The following ABCC5 variants were observed in gnomAD, a reference collection of about 807,000 sequenced individuals.
ABCC5 encodes ATP binding cassette subfamily C member 5.
ABCC5 carries 61 observed loss-of-function variants against 160.9 expected under a neutral mutation model. The ratio of observed to expected loss-of-function variants is 0.38; its 90% CI spans 0.31 to 0.47. ABCC5 has a LOEUF of 0.47. Among genes scored for constraint, ABCC5 ranks in the 20% least tolerant of loss-of-function variants. The probability of loss-of-function intolerance (pLI) is 0.99; values close to 1 mark genes in which losing one functional copy is unlikely to be tolerated. For missense variants in ABCC5, 1,308 were observed against 1,813.3 expected (o/e 0.72, Z 5.06); for synonymous variants, 666 against 700.6 (o/e 0.95, Z 0.78).
intron 2 of ABCC5, chr3:184,001,338 T>A (rs373223737): frequency 2.5e-5 from 11 of 438,136 alleles, no homozygotes; most frequent in Admixed American, 7.5e-5. Flanking sequence ...TAACATATAA[T>A]CAATGTGAAA....
rs189121671 is a variant in ABCC5 at position 183,969,332 on chromosome 3, T to C, written c.1762-1566A>G. Among the ~76,000 whole-genome samples the C allele has an allele frequency of 2.7e-3, 409 of 152,298 alleles. 3 individuals carry two copies. The highest frequency in any genetic ancestry group is 1.4e-3 in the Non-Finnish European group (96 of 68,026). On this transcript the variant is annotated intron_variant, in intron 11 of 29. Coordinates refer to ENST00000334444, the MANE Select transcript of ABCC5 (RefSeq NM_005688.4). ...TGGAATCATTTTCTAATAGAGCTGA[T>C]AGCAATGTATTAGAGCTGCCTCAAT...
intron 2 of ABCC5, among the ~76,000 whole-genome samples, chr3:184,000,130 G>A (rs1025088855): frequency 5.3e-5 from 8 of 151,916 alleles, no homozygotes; most frequent in African/African-American, 1.5e-4. Flanking sequence ...AGGCTCAAGC[G>A]GGCAGATCGC....
chr3:183,953,752 G>A (rs1426080102), intron 17 of ABCC5, among the ~76,000 whole-genome samples: 1 of 152,138 alleles, frequency 6.6e-6, no homozygotes, highest in African/African-American at 2.4e-5. Context: ...AAAGGAGAGA[G>A]CAGGCAGAGA....
Position 183,959,751 on chromosome 3 carries a change from CT to C in ABCC5, c.2463del (p.Ala822GlnfsTer2). ...CCATTACCTTCCTCTGGCTTTACTGCTTTTTCCTTCTTTACTGATCCTGTTT... is the reference window on the plus strand; with the variant it reads ...CCATTACCTTCCTCTGGCTTTACTGCTTTTCCTTCTTTACTGATCCTGTTT... ...GPKTGSVKKE[K>X]AVKPEEGQLV... On this transcript the variant is annotated frameshift_variant, in exon 17 of 30. Transcript: ENST00000334444. LOFTEE classifies it high-confidence loss of function. 1 of 1,611,028 alleles carries C rather than the reference CT, an allele frequency of 6.2e-7. No individual in the cohort carries two copies. The highest frequency in any genetic ancestry group is 8.5e-7 in the Non-Finnish European group (1 of 1,178,926).
chr3:183,937,913 C>G lies in ABCC5; in HGVS notation c.3842G>C (p.Ser1281Thr). The G allele has an allele frequency of 1.9e-6, 3 of 1,614,174 alleles. No individual in the cohort carries two copies. The highest frequency in any genetic ancestry group is 8.5e-7 in the Non-Finnish European group (1 of 1,180,016). ...SIIPQEPVLF[S>T]GTVRSNLDPF... ...CTCAGGTCCTCACCTGACAGTGCCA[C>G]TGAACAGCACCGGCTCTTGAGGAAT... Residue 1281 changes from serine to threonine, a missense_variant, in exon 26 of 30, where the codon AGT becomes ACT. Ser to Thr is a moderately conservative substitution (Grantham distance 58). This residue lies in a region of ABCC5 where 163 missense variants were observed against 269.7 expected (regional missense o/e 0.60). Coordinates refer to ENST00000334444, the MANE Select transcript of ABCC5 (RefSeq NM_005688.4).
Position 183,987,660 on chromosome 3 carries a change from G to C in ABCC5, c.591+110C>G, listed in dbSNP as rs980473777. ...TCAACAGACCTGAAGGCATCTCTAA[G>C]ACTGCTACCTAGCCCAAAGCTGAGC... is the stretch of plus-strand genomic sequence containing the variant. On this transcript the variant is annotated intron_variant, in intron 5 of 29. Coordinates refer to ENST00000334444, the MANE Select transcript of ABCC5 (RefSeq NM_005688.4). This position sits in a 1 kb window ranked among gnomAD's most constrained non-coding sequence, Gnocchi z 4.2. 1 of 1,488,700 alleles carries C rather than the reference G, an allele frequency of 6.7e-7. No individual in the cohort carries two copies. Among genetic ancestry groups the C allele is most frequent in the East Asian group, 2.4e-5 (1 of 41,484 alleles). 92.2% of individuals were successfully genotyped at this position (1,488,700 alleles called of 1,614,324 possible).
chr3:183,925,357 A>C (rs573990802), intron 29 of ABCC5, among the ~76,000 whole-genome samples, 198 bp downstream of exon 29: 1 of 152,346 alleles, frequency 6.6e-6, no homozygotes, highest in South Asian at 2.1e-4. Flanking sequence ...TAGTAAAGTA[A>C]AATGAGAACC....
intron 16 of ABCC5, among the ~76,000 whole-genome samples, chr3:183,960,693 A>G (rs1288042022): frequency 1.3e-5 from 2 of 152,218 alleles, no homozygotes; most frequent in Admixed American, 6.5e-5. Flanking sequence ...AGAACTGCCT[A>G]TAACAGGGCA....
chr3:183,947,183 C>A, intron 23 of ABCC5, 141 bp downstream of exon 23: 1 of 911,654 alleles, frequency 1.1e-6, no homozygotes, highest in Non-Finnish European at 1.5e-6. Context: ...TTGTTACGGT[C>A]AAATCAGACC....
At chr3:183,967,528 T>G (rs1210783840) in intron 12 of ABCC5, 167 bp downstream of exon 12, 3 of 637,794 alleles carry the variant, frequency 4.7e-6, no homozygotes, top group African/African-American at 1.8e-5. Context: ...CAGAAGGCTG[T>G]GAAGGGGGAG....
chr3:183,963,260 T>C lies in ABCC5; in HGVS notation c.2235+125A>G, dbSNP rs1716935806. 2 of 1,042,524 alleles carry C rather than the reference T, an allele frequency of 1.9e-6. No homozygotes were observed. Among genetic ancestry groups the C allele is most frequent in the South Asian group, 1.5e-5 (1 of 67,216 alleles). 64.6% of individuals were successfully genotyped at this position (1,042,524 alleles called of 1,614,324 possible). On this transcript the variant is annotated intron_variant, in intron 15 of 29. Transcript: ENST00000334444. The surrounding 1 kb of genome is among the most constrained non-coding windows in gnomAD (Gnocchi z 4.6). Reference sequence around the variant, plus strand: ...TTATTGGTACAGGGGGCTAATTTGCTAAGAAAATGAAACCTTGATTCCAGG... The same window carrying C: ...TTATTGGTACAGGGGGCTAATTTGCCAAGAAAATGAAACCTTGATTCCAGG...
intron 2 of ABCC5, among the ~76,000 whole-genome samples, chr3:184,003,057 G>A (rs1248379621): frequency 6.6e-6 from 1 of 151,970 alleles, no homozygotes; most frequent in Non-Finnish European, 1.5e-5. Flanking sequence ...ACAAGACAAT[G>A]GGCGCCTCTT....
At chr3:184,011,892 G>C (rs569709741) in intron 2 of ABCC5, among the ~76,000 whole-genome samples, 13 of 152,204 alleles carry the variant, frequency 8.5e-5, no homozygotes, top group Non-Finnish European at 1.8e-4. Flanking sequence ...CCAGAGACTG[G>C]GGTTGAGGGG....
chr3:183,984,194 G>A, intron 5 of ABCC5: 1 of 985,526 alleles, frequency 1.0e-6, no homozygotes, highest in Non-Finnish European at 1.2e-6. Flanking sequence ...CCTCTGCTCG[G>A]GACAGAATAA....
intron 23 of ABCC5, among the ~76,000 whole-genome samples, chr3:183,946,692 G>C (rs1457884675): frequency 6.6e-6 from 1 of 151,412 alleles, no homozygotes; most frequent in Non-Finnish European, 1.5e-5. Flanking sequence ...GAAGCAAATC[G>C]CAGAGAGCTT....
chr3:183,927,718 G>A (rs375715393), intron 27 of ABCC5: 1 of 985,286 alleles, frequency 1.0e-6, no homozygotes, highest in African/African-American at 1.7e-5. Flanking sequence ...CAGTCACATA[G>A]TGGGCCTTAA....
chr3:183,964,937 T>TC (rs1413211641), intron 14 of ABCC5, among the ~76,000 whole-genome samples: 1 of 152,218 alleles, frequency 6.6e-6, no homozygotes, highest in African/African-American at 2.4e-5. Context: ...ATAAAAAACA[T>TC]CAACTCTGAG....
Position 184,014,361 on chromosome 3 carries a change from A to G in ABCC5, c.32T>C (p.Ile11Thr). 6.2e-7 allele frequency: 1 copy of G among 1,613,748 alleles called. No individual in the cohort carries two copies. The change falls in exon 2 of 30, where the codon ATC (isoleucine) becomes ACC (threonine). Residue 11 changes from isoleucine to threonine, a missense_variant. Ile to Thr is a moderately conservative substitution (Grantham distance 89). Coordinates refer to ENST00000334444, the MANE Select transcript of ABCC5 (RefSeq NM_005688.4). Reference sequence around the variant, plus strand: ...ACTTCTATACCCAGGACTGGGGATGATATACTCTTTTCCTATGTCGATATC... The same window carrying G: ...ACTTCTATACCCAGGACTGGGGATGGTATACTCTTTTCCTATGTCGATATC... MKDIDIGKEY[I>T]IPSPGYRSVR... is the part of the protein sequence containing the mutation.
intron 17 of ABCC5, among the ~76,000 whole-genome samples, chr3:183,957,998 ATG>A: frequency 9.5e-6 from 1 of 105,238 alleles, no homozygotes; most frequent in Non-Finnish European, 2.1e-5. Context: ...CATCGGTTAC[ATG>A]CAGATCCGTG....
Sources: gnomAD v4.1 joint callset for allele counts (sites outside exome capture counted in the v4.1 genomes callset) on GRCh38, gnomAD v4.1.1 for gene constraint, gnomAD v4.1.1 regional missense constraint, Gnocchi (gnomAD v3.1) non-coding constraint, MANE v1.5 for transcripts, NCBI Gene and HGNC (gene_info 2026-07-23, HGNC 2026-07-21) for gene names.